GRIK1: variants seen among roughly 807,000 people sequenced by gnomAD.
The protein encoded by GRIK1 is glutamate ionotropic receptor kainate type subunit 1.
A neutral mutation model predicts 105.7 loss-of-function variants in GRIK1; 69 were observed. The ratio of observed to expected loss-of-function variants is 0.65; its 90% CI spans 0.54 to 0.80. The LOEUF is 0.80. Among genes scored for constraint, GRIK1 ranks in the 30% least tolerant of loss-of-function variants. GRIK1 has a pLI of 0.00. For synonymous variants in GRIK1, 438 were observed against 431.3 expected (o/e 1.02, Z -0.19); for missense variants, 1,109 against 1,167.3 (o/e 0.95, Z 0.73).
chr21:29,609,074 A>T (rs888496489), intron 7 of GRIK1, among the ~76,000 whole-genome samples: 1 of 150,816 alleles, frequency 6.6e-6, no homozygotes, highest in Non-Finnish European at 1.5e-5. Context: ...TTTTAATAAG[A>T]TATGGTCTTT....
intron 1 of GRIK1, among the ~76,000 whole-genome samples, chr21:29,877,332 T>C (rs2069227362): frequency 6.6e-6 from 1 of 152,152 alleles, no homozygotes. Flanking sequence ...GAGTGGCCTT[T>C]GGAGGATTAA....
At chr21:29,593,305 G>A (rs77833622) in intron 9 of GRIK1, among the ~76,000 whole-genome samples, 3,954 of 152,136 alleles carry the variant, frequency 0.026, 132 homozygotes, top group African/African-American at 0.079. Flanking sequence ...ACCATCCAAC[G>A]TTTCCAGGAT....
intron 14 of GRIK1, among the ~76,000 whole-genome samples, chr21:29,565,272 T>C (rs551529331): frequency 2.0e-5 from 3 of 152,354 alleles, no homozygotes; most frequent in Non-Finnish European, 2.9e-5. Context: ...AAGTTTGCTG[T>C]TGTGGGGCTT....
At chr21:29,659,770 G>T (rs534829254) in intron 4 of GRIK1, among the ~76,000 whole-genome samples, 1 of 152,238 alleles carries the variant, frequency 6.6e-6, no homozygotes, top group Admixed American at 6.5e-5. Context: ...AGATCAGCCT[G>T]ACCAACAAGG....
intron 7 of GRIK1, among the ~76,000 whole-genome samples, chr21:29,616,715 C>T (rs917784537): frequency 2.0e-5 from 3 of 152,126 alleles, no homozygotes; most frequent in Admixed American, 6.5e-5. Flanking sequence ...CTACAAAAGA[C>T]TTAATTAGAC....
intron 15 of GRIK1, among the ~76,000 whole-genome samples, chr21:29,558,514 C>A (rs1352781431): frequency 2.0e-5 from 3 of 151,640 alleles, no homozygotes; most frequent in Non-Finnish European, 4.4e-5. Flanking sequence ...ATGAGGTCTG[C>A]CATCTGTTCC....
chr21:29,745,028 C>G (rs1380161277), intron 1 of GRIK1, among the ~76,000 whole-genome samples: 1 of 152,122 alleles, frequency 6.6e-6, no homozygotes, highest in Non-Finnish European at 1.5e-5. Context: ...TAGTAACTTT[C>G]TCCTAGACAA....
chr21:29,797,515 C>T (rs770702640), intron 1 of GRIK1, among the ~76,000 whole-genome samples: 3 of 152,194 alleles, frequency 2.0e-5, no homozygotes, highest in Non-Finnish European at 4.4e-5. Flanking sequence ...ATTATATATG[C>T]ACCCTCTCAG....
At chr21:29,593,626 T>C (rs1034918587) in intron 9 of GRIK1, among the ~76,000 whole-genome samples, 2 of 152,168 alleles carry the variant, frequency 1.3e-5, no homozygotes, top group African/African-American at 4.8e-5. Context: ...ACTTAGACAC[T>C]GAGGAGAAGG....
chr21:29,638,969 G>A (rs1374134493), intron 7 of GRIK1, among the ~76,000 whole-genome samples: 1 of 152,152 alleles, frequency 6.6e-6, no homozygotes, highest in Non-Finnish European at 1.5e-5. Flanking sequence ...ACTTGACTAA[G>A]TTCACACTGA....
At chr21:29,558,101 C>T (rs2090301225) in intron 15 of GRIK1, among the ~76,000 whole-genome samples, 1 of 152,110 alleles carries the variant, frequency 6.6e-6, no homozygotes, top group Non-Finnish European at 1.5e-5. Flanking sequence ...TACTTTAAAT[C>T]TCTCAGGAGG....
chr21:29,911,935 T>C (rs2070832143), intron 1 of GRIK1, among the ~76,000 whole-genome samples: 1 of 152,112 alleles, frequency 6.6e-6, no homozygotes, highest in South Asian at 2.1e-4. Flanking sequence ...TGATTTTATA[T>C]CATTATATTG....
chr21:29,819,560 C>T (rs2067243294), intron 1 of GRIK1, among the ~76,000 whole-genome samples: 1 of 151,852 alleles, frequency 6.6e-6, no homozygotes, highest in African/African-American at 2.4e-5. Context: ...ATTTCAAGTT[C>T]ACTGTTGAGG....
chr21:29,746,746 A>G (rs1393682392), intron 1 of GRIK1, among the ~76,000 whole-genome samples: 6 of 152,268 alleles, frequency 3.9e-5, no homozygotes. Context: ...GAGATGACAC[A>G]CAAATATAAA....
At chr21:29,897,690 T>C (rs2070223398) in intron 1 of GRIK1, among the ~76,000 whole-genome samples, 1 of 152,218 alleles carries the variant, frequency 6.6e-6, no homozygotes, top group Non-Finnish European at 1.5e-5. Flanking sequence ...CTTAAAAGCT[T>C]TGGGTTATAA....
chr21:29,653,271 T>A (rs1392059178), intron 5 of GRIK1, among the ~76,000 whole-genome samples: 1 of 152,190 alleles, frequency 6.6e-6, no homozygotes, highest in Admixed American at 6.5e-5. Flanking sequence ...ATGAACCCTC[T>A]TAGAGATTCA....
chr21:29,667,677 T>C (rs1171887505), intron 4 of GRIK1, among the ~76,000 whole-genome samples: 2 of 152,204 alleles, frequency 1.3e-5, no homozygotes, highest in Non-Finnish European at 2.9e-5. Context: ...AGCATGTTCA[T>C]GCTCACCTGC....
chr21:29,789,277 T>A (rs1429030935), intron 1 of GRIK1, among the ~76,000 whole-genome samples: 1 of 152,210 alleles, frequency 6.6e-6, no homozygotes, highest in Non-Finnish European at 1.5e-5. Flanking sequence ...CTTTGTCTCA[T>A]ACACGATTAG....
chr21:29,580,350 A>G (rs1039822564), intron 13 of GRIK1, among the ~76,000 whole-genome samples: 1 of 151,896 alleles, frequency 6.6e-6, no homozygotes, highest in Non-Finnish European at 1.5e-5. Flanking sequence ...AATTTATGCA[A>G]ATTACTTCTA....
Sources: gnomAD v4.1 joint callset for allele counts (sites outside exome capture counted in the v4.1 genomes callset) on GRCh38, gnomAD v4.1.1 for gene constraint, MANE v1.5 for transcripts, NCBI Gene and HGNC (gene_info 2026-07-23, HGNC 2026-07-21) for gene names.